TTC7B: variants seen among roughly 807,000 people sequenced by gnomAD.
TTC7B encodes tetratricopeptide repeat domain 7B.
Under a neutral mutation model 106.8 loss-of-function variants are expected in TTC7B, and 28 were observed. That is an observed-to-expected ratio of 0.26 (90% CI 0.19 to 0.36). The LOEUF (loss-of-function observed/expected upper bound fraction) is 0.36, where lower values mean the gene tolerates loss of function less well. TTC7B is among the 10% of genes least tolerant of loss of function. The pLI is 1.00. For synonymous variants in TTC7B, 405 were observed against 430.6 expected (o/e 0.94, Z 0.74); for missense variants, 862 against 1,076.4 (o/e 0.80, Z 2.79).
chr14:90,551,958 G>A (rs1294910025), intron 19 of TTC7B, among the ~76,000 whole-genome samples: 2 of 152,264 alleles, frequency 1.3e-5, no homozygotes, highest in Non-Finnish European at 2.9e-5. Context: ...GAAGCTCTGG[G>A]CGAGGCCTGG....
intron 8 of TTC7B, among the ~76,000 whole-genome samples, chr14:90,677,394 A>T (rs1192733926): frequency 6.6e-6 from 1 of 152,026 alleles, no homozygotes; most frequent in African/African-American, 2.4e-5. Context: ...TATTAATCTC[A>T]TCTATCCAGA....
chr14:90,587,463 C>A (rs1891763457), intron 18 of TTC7B, among the ~76,000 whole-genome samples: 3 of 152,310 alleles, frequency 2.0e-5, no homozygotes, highest in South Asian at 4.1e-4. Context: ...CTCAGGCTGC[C>A]CCCAGGTCTT....
intron 2 of TTC7B, 115 bp from the exon 3 acceptor site, chr14:90,781,021 G>T: frequency 1.1e-6 from 1 of 888,178 alleles, no homozygotes; most frequent in Non-Finnish European, 1.8e-6. Context: ...ACAAGAGCTT[G>T]GACGTGAATG....
At chr14:90,710,050 C>T (rs2983728) in intron 5 of TTC7B, among the ~76,000 whole-genome samples, 1 of 120,002 alleles carries the variant, frequency 8.3e-6, no homozygotes, top group Admixed American at 8.9e-5. Flanking sequence ...ATAAACTTTT[C>T]TACTTGAAAA....
intron 18 of TTC7B, among the ~76,000 whole-genome samples, chr14:90,587,163 A>T (rs550594461): frequency 1.3e-5 from 2 of 151,934 alleles, no homozygotes; most frequent in South Asian, 2.1e-4. Context: ...TTTTCCGGAG[A>T]GGGGTCTTGC....
At chr14:90,711,147 T>C (rs1010251611) in intron 5 of TTC7B, among the ~76,000 whole-genome samples, 2 of 152,206 alleles carry the variant, frequency 1.3e-5, no homozygotes, top group African/African-American at 4.8e-5. Flanking sequence ...CATAGGAATA[T>C]ATAGGAATAA....
intron 3 of TTC7B, among the ~76,000 whole-genome samples, chr14:90,780,322 G>A (rs372909896): frequency 1.3e-5 from 2 of 151,234 alleles, no homozygotes; most frequent in African/African-American, 2.4e-5. Context: ...CGGAGGTTGC[G>A]GTAAGCCAAG....
At chr14:90,741,323 C>A (rs138272725) in intron 4 of TTC7B, among the ~76,000 whole-genome samples, 1 of 152,278 alleles carries the variant, frequency 6.6e-6, no homozygotes, top group Middle Eastern at 3.4e-3. Flanking sequence ...TCACTGGTCA[C>A]GACACTCCTA....
intron 19 of TTC7B, among the ~76,000 whole-genome samples, chr14:90,549,286 T>C (rs1284431872): frequency 6.6e-6 from 1 of 152,134 alleles, no homozygotes; most frequent in Non-Finnish European, 1.5e-5. Context: ...CCAGGATCAG[T>C]GGCTTTTCCC....
At chr14:90,582,459 C>T (rs142305244) in intron 18 of TTC7B, among the ~76,000 whole-genome samples, 74 of 152,348 alleles carry the variant, frequency 4.9e-4, no homozygotes, top group African/African-American at 1.3e-3. Flanking sequence ...AAGACAAGGC[C>T]GTGCCAAGGG....
At position 90,556,650 on chromosome 14, in the gene TTC7B, C is replaced by T. The variant is rs561830281; in HGVS notation, c.2311-15061G>A. Among the ~76,000 whole-genome samples, 6 of 152,330 alleles carry T rather than the reference C, an allele frequency of 3.9e-5. No homozygotes were observed. In the South Asian group the frequency reaches 1.2e-3, roughly 32 times the overall value. ...GGCACTCCCCCATGGCCCGACTGATCCTCGTGGTGGAAAGTTTAGTGCTAA... is the reference window on the plus strand; with the variant it reads ...GGCACTCCCCCATGGCCCGACTGATTCTCGTGGTGGAAAGTTTAGTGCTAA... On this transcript the variant is annotated intron_variant, in intron 19 of 19. Transcript: ENST00000328459.
At chr14:90,778,404 G>A (rs908345276) in intron 3 of TTC7B, among the ~76,000 whole-genome samples, 3 of 152,192 alleles carry the variant, frequency 2.0e-5, no homozygotes, top group Admixed American at 1.3e-4. Context: ...TAGACAGCCT[G>A]CCTCCATTAA....
chr14:90,547,285 A>G (rs1294576), intron 19 of TTC7B, among the ~76,000 whole-genome samples: 68,954 of 152,172 alleles, frequency 0.45, 15,950 homozygotes, highest in Admixed American at 0.52. Context: ...CAAATGAGAT[A>G]AAATGGACTT....
intron 17 of TTC7B, among the ~76,000 whole-genome samples, chr14:90,604,685 A>T (rs1892567967): frequency 6.6e-6 from 1 of 152,226 alleles, no homozygotes; most frequent in Non-Finnish European, 1.5e-5. Flanking sequence ...CAGTGCTGGC[A>T]GTGAACATTA....
chr14:90,672,751 T>C (rs1280328440), intron 9 of TTC7B, among the ~76,000 whole-genome samples: 1 of 152,206 alleles, frequency 6.6e-6, no homozygotes, highest in Non-Finnish European at 1.5e-5. Flanking sequence ...AGAATGGAAA[T>C]TTCTTGAAGG....
chr14:90,773,497 A>G (rs931567667), intron 3 of TTC7B, among the ~76,000 whole-genome samples: 1 of 152,182 alleles, frequency 6.6e-6, no homozygotes, highest in African/African-American at 2.4e-5. Context: ...ACCCCTCCGC[A>G]GGGAACGATA....
At chr14:90,694,103 CAA>C (rs1887579055) in intron 6 of TTC7B, among the ~76,000 whole-genome samples, 2 of 152,156 alleles carry the variant, frequency 1.3e-5, no homozygotes, top group Non-Finnish European at 2.9e-5. Flanking sequence ...AAGCCAATCA[CAA>C]AAAGACTACA....
intron 5 of TTC7B, among the ~76,000 whole-genome samples, chr14:90,711,758 A>G (rs960473499): frequency 2.0e-5 from 3 of 152,248 alleles, no homozygotes; most frequent in African/African-American, 7.2e-5. Context: ...ATGCAGTTAA[A>G]AATCAACAGA....
intron 3 of TTC7B, among the ~76,000 whole-genome samples, chr14:90,765,349 G>T (rs751684660): frequency 2.0e-5 from 3 of 152,074 alleles, no homozygotes; most frequent in East Asian, 1.9e-4. Flanking sequence ...ATGGGTAAAG[G>T]TTTCTTTTTT....
Sources: gnomAD v4.1 joint callset for allele counts (sites outside exome capture counted in the v4.1 genomes callset) on GRCh38, gnomAD v4.1.1 for gene constraint, MANE v1.5 for transcripts, NCBI Gene and HGNC (gene_info 2026-07-23, HGNC 2026-07-21) for gene names.